CDCA2: variants seen among roughly 807,000 people sequenced by gnomAD.
CDCA2 encodes the protein cell division cycle-associated protein 2.
A neutral mutation model predicts 67.0 loss-of-function variants in CDCA2; 44 were observed. The ratio of observed to expected loss-of-function variants is 0.66; its 90% CI spans 0.52 to 0.84. The LOEUF (loss-of-function observed/expected upper bound fraction) is 0.84, where lower values mean the gene tolerates loss of function less well. CDCA2 is among the 40% of genes least tolerant of loss of function. The pLI, the probability that CDCA2 is intolerant of heterozygous loss-of-function variation, is 0.00. For missense variants in CDCA2, 1,253 were observed against 1,203.2 expected, an observed-to-expected ratio of 1.04 and a Z score of -0.61; for synonymous variants, 447 against 418.7, an observed-to-expected ratio of 1.07 and a Z score of -0.82.
At position 25,503,480 on chromosome 8, in the gene CDCA2, T is replaced by A; in HGVS notation, c.1779T>A (p.Ile593=). ...CTAAGAAGCCCCTCCTCAGTCCTAT[T>A]CCCGAGCTGCCTGAAGTCCCTGAGA... ...IASKKPLLSP[I]PELPEVPEMT... The change falls in exon 14 of 15, where the codon ATT becomes ATA. Residue 593 remains isoleucine (I), a synonymous_variant. Coordinates refer to ENST00000330560, the MANE Select transcript of CDCA2 (RefSeq NM_152562.4). The A allele has an allele frequency of 6.2e-7, 1 of 1,614,074 alleles. No homozygotes were observed. The highest frequency in any genetic ancestry group is 1.1e-5 in the South Asian group (1 of 91,072).
At chr8:25,466,945 G>A (rs1586466855) in intron 5 of CDCA2, among the ~76,000 whole-genome samples, 1 of 149,114 alleles carries the variant, frequency 6.7e-6, no homozygotes, top group South Asian at 2.1e-4. Context: ...GGGAGGCTGA[G>A]GCAGGAGAAT....
chr8:25,467,076 A>G (rs1175687145), intron 5 of CDCA2, among the ~76,000 whole-genome samples: 2 of 148,352 alleles, frequency 1.3e-5, no homozygotes, highest in East Asian at 3.9e-4. Context: ...ACACACACAC[A>G]CACACAAATA....
At chr8:25,468,711 G>T (rs945450520) in intron 6 of CDCA2, among the ~76,000 whole-genome samples, 2 of 152,156 alleles carry the variant, frequency 1.3e-5, no homozygotes, top group African/African-American at 4.8e-5. Flanking sequence ...ATTCTAGAGG[G>T]TGATGCTCCA....
intron 13 of CDCA2, among the ~76,000 whole-genome samples, chr8:25,493,797 T>A (rs769030354): frequency 2.0e-5 from 3 of 152,182 alleles, no homozygotes; most frequent in Non-Finnish European, 4.4e-5. Context: ...ACAGGCACAC[T>A]CATACATTTT....
chr8:25,469,899 T>C lies in CDCA2; in HGVS notation c.739T>C (p.Ser247Pro), dbSNP rs773025919. 4 of 1,603,478 alleles carry C rather than the reference T, an allele frequency of 2.5e-6. No homozygotes were observed. Among genetic ancestry groups the C allele is most frequent in the South Asian group, 1.1e-5 (1 of 90,100 alleles). Residue 247 changes from serine to proline, a missense_variant, in exon 7 of 15, where the codon TCA (serine) becomes CCA (proline). By Grantham distance (74) the Ser-to-Pro change is moderately conservative. Transcript: ENST00000330560. ...ACTCTTTCAATTTTTCCCCAAGATATCATCTAAACTTGGTTCAACACAGTC... is the reference window on the plus strand; with the variant it reads ...ACTCTTTCAATTTTTCCCCAAGATACCATCTAAACTTGGTTCAACACAGTC... ...VETSVDLSEI[S>P]SKLGSTQSGF...
At chr8:25,480,172 T>A (rs1416364213) in intron 8 of CDCA2, 48 bp downstream of exon 8, 1 of 1,487,034 alleles carries the variant, frequency 6.7e-7, no homozygotes, top group Non-Finnish European at 9.3e-7. Context: ...AAAATGCATT[T>A]TGCTTCAAAG....
At chr8:25,472,401 G>A (rs1039204627) in intron 7 of CDCA2, among the ~76,000 whole-genome samples, 22 of 151,754 alleles carry the variant, frequency 1.4e-4, no homozygotes, top group Non-Finnish European at 3.2e-4. Context: ...ACAGGTACCC[G>A]CCACCATGCC....
chr8:25,485,956 A>C, intron 11 of CDCA2, 119 bp downstream of exon 11: 1 of 549,080 alleles, frequency 1.8e-6, no homozygotes, highest in Non-Finnish European at 3.1e-6. Context: ...TTGGTTTAAA[A>C]ACACCTAATA....
intron 13 of CDCA2, among the ~76,000 whole-genome samples, chr8:25,489,493 A>G (rs1803917548): frequency 6.6e-6 from 1 of 151,922 alleles, no homozygotes; most frequent in South Asian, 2.1e-4. Flanking sequence ...ATCCAGCAAA[A>G]TTTCCAGTCT....
In CDCA2 at chr8:25,466,396, T is replaced by G. The variant is rs897181259; in HGVS notation, c.538+71T>G. The G allele has an allele frequency of 4.5e-5, 62 of 1,385,776 alleles. No homozygotes were observed. In the African/African-American group the frequency reaches 8.9e-4, roughly 20 times the overall value. 85.8% of individuals were successfully genotyped at this position (1,385,776 alleles called of 1,614,324 possible). ...GACAAGCTTCTGAGTTATGAAATGA[T>G]TTAGTGTGAAGCCAATCTTTTCAGA... On this transcript the variant is annotated intron_variant, in intron 5 of 14. Coordinates refer to ENST00000330560, the MANE Select transcript of CDCA2 (RefSeq NM_152562.4).
intron 7 of CDCA2, 139 bp from the exon 8 acceptor site, chr8:25,479,774 C>A: frequency 1.4e-6 from 1 of 730,842 alleles, no homozygotes; most frequent in Non-Finnish European, 2.2e-6. Flanking sequence ...AAATCCCAGA[C>A]GTTACTGCCC....
At chr8:25,468,917 G>A (rs1039657528) in intron 6 of CDCA2, among the ~76,000 whole-genome samples, 1 of 152,196 alleles carries the variant, frequency 6.6e-6, no homozygotes, top group Non-Finnish European at 1.5e-5. Context: ...GTGCCATTCA[G>A]CAATTTCTCC....
At chr8:25,487,891 C>T (rs1189677661) in intron 12 of CDCA2, among the ~76,000 whole-genome samples, 1 of 152,094 alleles carries the variant, frequency 6.6e-6, no homozygotes, top group Non-Finnish European at 1.5e-5. Context: ...TGTTTGGGAT[C>T]TATATGATTT....
intron 4 of CDCA2, among the ~76,000 whole-genome samples, chr8:25,464,818 C>T (rs747477022): frequency 2.6e-5 from 4 of 152,028 alleles, no homozygotes; most frequent in Admixed American, 6.5e-5. Context: ...CTGTTTATGT[C>T]GTGAACGTTT....
At chr8:25,476,705 C>A (rs377385068) in intron 7 of CDCA2, among the ~76,000 whole-genome samples, 152 of 152,136 alleles carry the variant, frequency 1.0e-3, no homozygotes, top group African/African-American at 3.3e-3. Flanking sequence ...AGGTGCCCGC[C>A]ACCACACCCA....
Position 25,506,744 on chromosome 8 carries a change from A to G in CDCA2, c.2078A>G (p.Lys693Arg). The G allele has an allele frequency of 6.2e-7, 1 of 1,613,104 alleles. No individual in the cohort carries two copies. Among genetic ancestry groups the G allele is most frequent in the Non-Finnish European group, 8.5e-7 (1 of 1,179,784 alleles). Residue 693 changes from lysine to arginine, a missense_variant, in exon 15 of 15, where the codon AAA becomes AGA. Physicochemically the swap from Lys to Arg is conservative, Grantham distance 26. Transcript: ENST00000330560. ...ATTAATGAAAATAAAAATATTCCAA[A>G]AGCAAAAAATAAGTCAGAAAGTGAA... ...MNINENKNIP[K>R]AKNKSESENE...
chr8:25,505,087 C>T (rs1044751993), intron 14 of CDCA2, among the ~76,000 whole-genome samples: 2 of 152,136 alleles, frequency 1.3e-5, no homozygotes, highest in Non-Finnish European at 2.9e-5. Context: ...CAATTCAGCT[C>T]CTTGCTTCCT....
In CDCA2 at chr8:25,468,415, T is replaced by C. The variant is rs761849903; in HGVS notation, c.735+2T>C. 6.2e-7 allele frequency: 1 copy of C among 1,608,070 alleles called. No homozygotes were observed. Among genetic ancestry groups the C allele is most frequent in the South Asian group, 1.1e-5 (1 of 90,346 alleles). ...GAAACTTCTGTAGATCTTTCTGAGG[T>C]AATTCACTTACTTTACGCATAGGAA... On this transcript the variant is annotated splice_donor_variant, in intron 6 of 14. Transcript: ENST00000330560. LOFTEE classifies it high-confidence loss of function.
Position 25,507,163 on chromosome 8 carries a change from T to A in CDCA2, c.2497T>A (p.Ser833Thr), listed in dbSNP as rs1235064261. The A allele has an allele frequency of 4.3e-6, 7 of 1,614,054 alleles. No homozygotes were observed. The highest frequency in any genetic ancestry group is 1.7e-5 in the Admixed American group (1 of 59,998). ...CAGAGACAGGAAAGATAGAAGACGT[T>A]CCATGTGTTATTCTGATGGTCGAAG... ...SCRDRKDRRR[S>T]MCYSDGRSLH... Residue 833 changes from serine (S) to threonine (T), a missense_variant, in exon 15 of 15, where the codon TCC becomes ACC. Coordinates refer to ENST00000330560, the MANE Select transcript of CDCA2 (RefSeq NM_152562.4).
Sources: gnomAD v4.1 joint callset for allele counts (sites outside exome capture counted in the v4.1 genomes callset) on GRCh38, gnomAD v4.1.1 for gene constraint, MANE v1.5 for transcripts, NCBI Gene and HGNC (gene_info 2026-07-23, HGNC 2026-07-21) for gene names.